Variants in SDK1 observed in about 807,000 individuals in gnomAD.
SDK1 encodes the protein sidekick cell adhesion molecule 1, also known as protein sidekick-1.
In SDK1, 157 loss-of-function variants were observed where a neutral mutation model predicts 245.5. That is an observed-to-expected ratio of 0.64 (90% CI 0.56 to 0.73). The LOEUF (loss-of-function observed/expected upper bound fraction) is 0.73. SDK1 is among the 30% of genes least tolerant of loss of function. SDK1 has a pLI of 0.00. For synonymous variants in SDK1, 1,647 were observed against 1,278.5 expected, an observed-to-expected ratio of 1.29 and a Z score of -6.15; for missense variants, 3,583 against 3,002.3, an observed-to-expected ratio of 1.19 and a Z score of -4.52.
chr7:4,178,639 G>A (rs926313825), intron 35 of SDK1, 53 bp downstream of exon 35: 4 of 1,326,712 alleles, frequency 3.0e-6, no homozygotes, highest in Non-Finnish European at 3.2e-6. Context: ...CAGTGGTGGG[G>A]ACAGCCAGGC....
rs548884616 is a variant in SDK1, at chr7:4,266,621, G to C, written c.*1237G>C. On this transcript the variant is annotated 3_prime_UTR_variant, in exon 45 of 45. Transcript: ENST00000404826. ...TTGTTTGGTTTAAATTTTTCAGCTA[G>C]ATGAAAAGAGTATGAACTACTTTGG... 37 of 985,386 alleles carry C rather than the reference G, an allele frequency of 3.8e-5. No individual in the cohort carries two copies. The African/African-American group carries it at 5.1e-4, about 13-fold the overall frequency. 61.0% of individuals were successfully genotyped at this position (985,386 alleles called of 1,614,324 possible).
At chr7:3,578,685 A>G (rs1054332666) in intron 1 of SDK1, among the ~76,000 whole-genome samples, 2 of 151,788 alleles carry the variant, frequency 1.3e-5, no homozygotes, top group South Asian at 2.1e-4. Context: ...GAATTTAGCA[A>G]CACCTCTCCT....
intron 5 of SDK1, among the ~76,000 whole-genome samples, chr7:3,915,277 G>C (rs1280157007): frequency 6.6e-6 from 1 of 152,178 alleles, no homozygotes; most frequent in South Asian, 2.1e-4. Flanking sequence ...GGAGCCAGGG[G>C]AGTCTTTGGT....
intron 29 of SDK1, among the ~76,000 whole-genome samples, chr7:4,147,656 C>A (rs116798028): frequency 6.6e-6 from 1 of 152,100 alleles, no homozygotes. Context: ...CGGAAGCCCT[C>A]AGTCGCCACA....
intron 5 of SDK1, among the ~76,000 whole-genome samples, chr7:3,841,278 A>G (rs1780150654): frequency 6.6e-6 from 1 of 152,154 alleles, no homozygotes. Context: ...TCCAAGGACA[A>G]CTTCGCAGCT....
chr7:4,011,325 G>A (rs1222978485), intron 15 of SDK1, among the ~76,000 whole-genome samples: 3 of 152,260 alleles, frequency 2.0e-5, no homozygotes, highest in Admixed American at 1.3e-4. Flanking sequence ...CTTTGAGGCA[G>A]GTTCCTTGGA....
At position 4,174,320 on chromosome 7, in the gene SDK1, G is replaced by A. The variant is rs145947614; in HGVS notation, c.4899G>A (p.Thr1633=). Residue 1633 remains threonine, a synonymous_variant, in exon 33 of 45, where the codon ACG becomes ACA. Coordinates refer to ENST00000404826, the MANE Select transcript of SDK1 (RefSeq NM_152744.4). ...CCGGGTCAGGCACTGAGGCCAAGACGCTCAAAAACCCTATAGCTTTACATG... is the reference window on the plus strand; with the variant it reads ...CCGGGTCAGGCACTGAGGCCAAGACACTCAAAAACCCTATAGCTTTACATG... The part of the protein sequence containing the change: ...YEAGSGTEAK[T]LKNPIALHAE... 3.0e-4 allele frequency: 485 copies of A among 1,613,832 alleles called. 1 individual carries two copies. In the Middle Eastern group the frequency reaches 4.5e-3, roughly 15 times the overall value.
At chr7:3,406,559 G>C (rs41363846) in intron 1 of SDK1, among the ~76,000 whole-genome samples, 53,149 of 151,962 alleles carry the variant, frequency 0.35, 12,065 homozygotes, top group African/African-American at 0.65. Context: ...GCTTTGGTTA[G>C]TTATTCTATA....
intron 7 of SDK1, chr7:3,958,147 C>G (rs1781410100): frequency 2.8e-6 from 1 of 361,162 alleles, no homozygotes; most frequent in African/African-American, 2.2e-5. Flanking sequence ...AAGACAGTTC[C>G]CAGAAATTAA....
chr7:4,073,026 C>A (rs371995638), intron 20 of SDK1, among the ~76,000 whole-genome samples: 3 of 152,254 alleles, frequency 2.0e-5, no homozygotes, highest in Non-Finnish European at 4.4e-5. Flanking sequence ...GGATGCACTG[C>A]TCTCTTCTAG....
intron 44 of SDK1, among the ~76,000 whole-genome samples, chr7:4,253,203 C>T (rs1220654102): frequency 1.3e-5 from 2 of 152,000 alleles, no homozygotes. Context: ...CTTTCAATTT[C>T]CTAAGTTGGA....
intron 1 of SDK1, among the ~76,000 whole-genome samples, chr7:3,608,719 C>G (rs578121245): frequency 6.6e-6 from 1 of 152,210 alleles, no homozygotes; most frequent in South Asian, 2.1e-4. Flanking sequence ...AGATCCATTC[C>G]AAGTACAGGA....
rs749618643 is a variant in SDK1 at position 3,969,369 on chromosome 7, C to G, written c.1659C>G (p.Cys553Trp). 1.2e-6 allele frequency: 2 copies of G among 1,611,450 alleles called. No homozygotes were observed. Among genetic ancestry groups the G allele is most frequent in the Admixed American group, 3.4e-5 (2 of 59,614 alleles). ...TCCAGGATGCCGGCAACTACACCTGCTATGCGGCCAACACAGAGGGCTCCC... is the reference window on the plus strand; with the variant it reads ...TCCAGGATGCCGGCAACTACACCTGGTATGCGGCCAACACAGAGGGCTCCC... ...VFIQDAGNYTCYAANTEGSLN... is the reference protein window; with the variant it reads ...VFIQDAGNYTWYAANTEGSLN... Residue 553 changes from cysteine (C) to tryptophan (W), a missense_variant, in exon 11 of 45, where the codon TGC becomes TGG. Transcript: ENST00000404826.
chr7:3,753,683 C>T (rs1318394434), intron 4 of SDK1, among the ~76,000 whole-genome samples: 1 of 152,168 alleles, frequency 6.6e-6, no homozygotes, highest in Non-Finnish European at 1.5e-5. Context: ...TTTCAGGTGT[C>T]TGACTATAGT....
chr7:4,218,755 C>G (rs779104272), intron 38 of SDK1, among the ~76,000 whole-genome samples: 1 of 152,184 alleles, frequency 6.6e-6, no homozygotes, highest in Non-Finnish European at 1.5e-5. Flanking sequence ...CTCAGGGATG[C>G]TCCTTGGAAA....
chr7:3,783,299 A>T (rs1425079302), intron 4 of SDK1, among the ~76,000 whole-genome samples: 1 of 152,202 alleles, frequency 6.6e-6, no homozygotes, highest in East Asian at 1.9e-4. Context: ...CCTCTGACAT[A>T]GACAAACATG....
intron 19 of SDK1, among the ~76,000 whole-genome samples, chr7:4,067,320 C>A (rs1779969504): frequency 6.6e-6 from 1 of 152,182 alleles, no homozygotes; most frequent in Non-Finnish European, 1.5e-5. Flanking sequence ...TTTTCTCAGG[C>A]CACTGCCTCG....
chr7:4,232,481 A>G (rs1408278677), intron 40 of SDK1, among the ~76,000 whole-genome samples: 6 of 129,318 alleles, frequency 4.6e-5, no homozygotes, highest in Non-Finnish European at 7.9e-5. Context: ...TTTTTGAGAT[A>G]GAGTCTCACT....
At chr7:3,776,573 T>C (rs1260775333) in intron 4 of SDK1, among the ~76,000 whole-genome samples, 2 of 152,228 alleles carry the variant, frequency 1.3e-5, no homozygotes, top group African/African-American at 4.8e-5. Flanking sequence ...GAAGATAGTA[T>C]GTGAATATGT....
Sources: gnomAD v4.1 joint callset for allele counts (sites outside exome capture counted in the v4.1 genomes callset) on GRCh38, gnomAD v4.1.1 for gene constraint, MANE v1.5 for transcripts, NCBI Gene and HGNC (gene_info 2026-07-23, HGNC 2026-07-21) for gene names.